The following RIMS1 variants were observed in gnomAD, a reference collection of about 807,000 sequenced individuals.
RIMS1 encodes regulating synaptic membrane exocytosis protein 1.
RIMS1 carries 83 observed loss-of-function variants against 214.1 expected under a neutral mutation model. That is an observed-to-expected ratio of 0.39 (90% confidence interval 0.32 to 0.47). RIMS1 has a LOEUF of 0.47. RIMS1 is among the 20% of genes least tolerant of loss of function. The pLI is 0.99. For missense variants in RIMS1, 2,050 were observed against 2,161.8 expected (o/e 0.95, Z 1.03); for synonymous variants, 793 against 786.8 (o/e 1.01, Z -0.13).
rs899230706 is a variant in RIMS1, at chr6:72,217,280, A to T, written c.1679-16493A>T. 5.4e-6 allele frequency: 8 copies of T among 1,470,112 alleles called. No homozygotes were observed. The African/African-American group carries it at 1.1e-4, about 21-fold the overall frequency. The allele number at this position is 1,470,112 out of a possible 1,614,324, so 91.1% of individuals were successfully genotyped here. On this transcript the variant is annotated intron_variant, in intron 6 of 33. Coordinates refer to ENST00000521978, the MANE Select transcript of RIMS1 (RefSeq NM_014989.7). The stretch of plus-strand genomic sequence containing the variant: ...TATATTAATCTATGGATAAATGTAA[A>T]GTTAATGTAATTTATTGTTTAATTA...
At chr6:71,896,050 T>C (rs761607915) in intron 1 of RIMS1, among the ~76,000 whole-genome samples, 1 of 152,146 alleles carries the variant, frequency 6.6e-6, no homozygotes, top group Non-Finnish European at 1.5e-5. Flanking sequence ...AACCCCTTTG[T>C]TTCTGGGAAA....
At chr6:72,172,868 T>C (rs2047213458) in intron 4 of RIMS1, among the ~76,000 whole-genome samples, 1 of 152,210 alleles carries the variant, frequency 6.6e-6, no homozygotes, top group South Asian at 2.1e-4. Context: ...AGAATCCTCA[T>C]TCTAGAGTCT....
chr6:72,001,597 AAAT>A (rs1189734684), intron 2 of RIMS1, among the ~76,000 whole-genome samples: 2 of 152,184 alleles, frequency 1.3e-5, no homozygotes, highest in African/African-American at 4.8e-5. Flanking sequence ...AAGTTTTGCT[AAAT>A]AATAAGCATA....
At chr6:72,177,730 A>G (rs2047905544) in intron 4 of RIMS1, among the ~76,000 whole-genome samples, 1 of 152,082 alleles carries the variant, frequency 6.6e-6, no homozygotes, top group Non-Finnish European at 1.5e-5. Context: ...AAACAAACCA[A>G]CCAACCAAAA....
At chr6:72,243,968 C>CT (rs1220455350) in intron 10 of RIMS1, among the ~76,000 whole-genome samples, 3,731 of 141,272 alleles carry the variant, frequency 0.026, 75 homozygotes, top group Middle Eastern at 0.039. Flanking sequence ...ATTTTAGCTG[C>CT]TTTTTTTTTT....
chr6:72,375,441 T>A (rs2098346551), intron 29 of RIMS1, among the ~76,000 whole-genome samples: 1 of 152,218 alleles, frequency 6.6e-6, no homozygotes, highest in Non-Finnish European at 1.5e-5. Flanking sequence ...TAAGTTTTCA[T>A]TACATTTCCT....
At chr6:72,169,310 C>A (rs1003414807) in intron 4 of RIMS1, among the ~76,000 whole-genome samples, 1 of 152,018 alleles carries the variant, frequency 6.6e-6, no homozygotes, top group African/African-American at 2.4e-5. Context: ...ATTATATAAG[C>A]CTTCTCAAAA....
intron 2 of RIMS1, among the ~76,000 whole-genome samples, chr6:71,987,663 G>A (rs946158461): frequency 6.6e-6 from 1 of 152,134 alleles, no homozygotes; most frequent in Non-Finnish European, 1.5e-5. Context: ...TGGTTGATGA[G>A]AGATACACAA....
chr6:72,385,422 A>G lies in RIMS1; in HGVS notation c.4367-5176A>G, dbSNP rs571652494. On this transcript the variant is annotated intron_variant, in intron 29 of 33. Coordinates refer to ENST00000521978, the MANE Select transcript of RIMS1 (RefSeq NM_014989.7). ...GCTTTTTAACAAACTTTTACAAACT[A>G]ACTTGTAAAGCCATATGTGAATGTA... Among the ~76,000 whole-genome samples the G allele has an allele frequency of 2.6e-5, 4 of 152,374 alleles. No homozygotes were observed. The South Asian group carries it at 8.3e-4, about 32-fold the overall frequency.
chr6:72,112,623 G>A lies in RIMS1; in HGVS notation c.471+12637G>A, dbSNP rs143264051. Among the ~76,000 whole-genome samples the A allele has an allele frequency of 3.8e-3, 585 of 152,030 alleles. 11 individuals are homozygous for A. The highest frequency in any genetic ancestry group is 0.018 in the Admixed American group (276 of 15,228). On this transcript the variant is annotated intron_variant, in intron 4 of 33. Transcript: ENST00000521978. ...CTGCTAGCATAACTCTCTTTTCCTG[G>A]AACATTATTTCCACTCCTCACTCCC...
At chr6:72,108,412 T>C (rs1465184272) in intron 4 of RIMS1, among the ~76,000 whole-genome samples, 1 of 152,164 alleles carries the variant, frequency 6.6e-6, no homozygotes, top group Non-Finnish European at 1.5e-5. Context: ...TTTTAATTGT[T>C]ACTCTTTGAC....
intron 4 of RIMS1, among the ~76,000 whole-genome samples, chr6:72,150,191 T>C (rs1294676677): frequency 1.7e-5 from 1 of 58,976 alleles, no homozygotes; most frequent in African/African-American, 6.3e-5. Context: ...GGTTTGTGAG[T>C]ATGCAAAAAA....
chr6:71,923,701 G>C (rs954325422), intron 1 of RIMS1, among the ~76,000 whole-genome samples: 4 of 151,942 alleles, frequency 2.6e-5, no homozygotes, highest in Non-Finnish European at 5.9e-5. Context: ...CGAGTAGCTG[G>C]GATTACTCAT....
rs949874726 is a variant in RIMS1 at position 72,290,754 on chromosome 6, A to G, written c.3630A>G (p.Lys1210=). 17 of 1,613,798 alleles carry G rather than the reference A, an allele frequency of 1.1e-5. No homozygotes were observed. The highest frequency in any genetic ancestry group is 5.0e-5 in the Admixed American group (3 of 60,002). ...CTGATCAGCCAGTCATTAGGGGAAA[A>G]CATCCTGCTCGCTCAAGGTCGAGTG... ...RATDQPVIRG[K]HPARSRSSEH... is the part of the protein sequence containing the mutation. The change falls in exon 25 of 34, where the codon AAA becomes AAG. Residue 1210 remains lysine, a synonymous_variant. Coordinates refer to ENST00000521978, the MANE Select transcript of RIMS1 (RefSeq NM_014989.7).
chr6:71,988,802 A>G (rs1275417618), intron 2 of RIMS1, among the ~76,000 whole-genome samples: 1 of 152,172 alleles, frequency 6.6e-6, no homozygotes, highest in Non-Finnish European at 1.5e-5. Context: ...TTATTTTTTT[A>G]TTTTTTATTA....
chr6:72,267,045 T>C (rs898485242), intron 22 of RIMS1, among the ~76,000 whole-genome samples: 5 of 152,110 alleles, frequency 3.3e-5, no homozygotes, highest in African/African-American at 1.2e-4. Context: ...ATATACCTTG[T>C]TTTAGTGCCT....
chr6:71,984,424 C>A (rs535802117), intron 2 of RIMS1, among the ~76,000 whole-genome samples: 3 of 151,848 alleles, frequency 2.0e-5, no homozygotes, highest in South Asian at 2.1e-4. Context: ...TTTACAGAAG[C>A]AGCAAATGCA....
At chr6:72,187,055 G>A (rs1046133758) in intron 6 of RIMS1, among the ~76,000 whole-genome samples, 1 of 152,166 alleles carries the variant, frequency 6.6e-6, no homozygotes, top group African/African-American at 2.4e-5. Context: ...GAACCTGTGA[G>A]GTGGAGGTTG....
intron 33 of RIMS1, among the ~76,000 whole-genome samples, 169 bp downstream of exon 33, chr6:72,399,263 A>G (rs1264135347): frequency 1.3e-5 from 2 of 152,044 alleles, no homozygotes; most frequent in African/African-American, 4.8e-5. Context: ...AATATATAAT[A>G]TCAAAAATAT....
Sources: allele counts gnomAD v4.1 joint callset (sites outside exome capture counted in the v4.1 genomes callset), GRCh38; gene constraint gnomAD v4.1.1; transcripts MANE v1.5; gene names NCBI Gene and HGNC (gene_info 2026-07-23, HGNC 2026-07-21).